The following C14orf39 variants were observed in gnomAD, a reference collection of about 807,000 sequenced individuals.
C14orf39 encodes protein SIX6OS1.
Under a neutral mutation model 85.6 loss-of-function variants are expected in C14orf39, and 66 were observed. The observed-to-expected ratio is 0.77, with a 90% CI of 0.63 to 0.95. C14orf39 has a LOEUF of 0.95. Among genes scored for constraint, C14orf39 ranks in the 40% least tolerant of loss-of-function variants. The probability of loss-of-function intolerance (pLI) is 0.00; values close to 1 mark genes in which losing one functional copy is unlikely to be tolerated. For missense variants in C14orf39, 735 were observed against 663.9 expected, an observed-to-expected ratio of 1.11 and a Z score of -1.18; for synonymous variants, 242 against 214.0, an observed-to-expected ratio of 1.13 and a Z score of -1.14.
chr14:60,475,124 C>G (rs1442169755), intron 5 of C14orf39, among the ~76,000 whole-genome samples: 1 of 152,082 alleles, frequency 6.6e-6, no homozygotes, highest in Non-Finnish European at 1.5e-5. Context: ...CTGGTTTAGT[C>G]TTGGGAGAGT....
chr14:60,442,085 T>C lies in C14orf39; in HGVS notation c.1550A>G (p.Glu517Gly). ...SARNLNPLSS[E>G]QEIGNLLEKP... ...TTCAAACAACTTACCAATCTCTTGC[T>C]CTGATGACAGAGGATTTAGATTTCT... Residue 517 changes from glutamate to glycine, a missense_variant, in exon 17 of 18, where the codon GAG becomes GGG. By Grantham distance (98) the Glu-to-Gly change is moderately conservative. Transcript: ENST00000321731. The C allele has an allele frequency of 6.2e-7, 1 of 1,610,222 alleles. No individual in the cohort carries two copies. The highest frequency in any genetic ancestry group is 8.5e-7 in the Non-Finnish European group (1 of 1,177,016).
intron 14 of C14orf39, among the ~76,000 whole-genome samples, chr14:60,457,872 C>T (rs148238109): frequency 7.2e-5 from 11 of 151,922 alleles, no homozygotes; most frequent in Admixed American, 3.3e-4. Context: ...ATTGTCGTGG[C>T]GAATCATTCA....
chr14:60,473,340 C>T (rs1892197171), intron 5 of C14orf39, among the ~76,000 whole-genome samples: 1 of 152,132 alleles, frequency 6.6e-6, no homozygotes, highest in Admixed American at 6.5e-5. Flanking sequence ...AAAATTTTCT[C>T]CCATTCTGTA....
At chr14:60,481,504 AT>A (rs1892637210) in intron 4 of C14orf39, among the ~76,000 whole-genome samples, 2 of 152,096 alleles carry the variant, frequency 1.3e-5, no homozygotes, top group South Asian at 4.1e-4. Flanking sequence ...TTTTTTTTAA[AT>A]CATGCTTATT....
chr14:60,486,064 G>A, upstream of C14orf39: 1 of 152,572 alleles, frequency 6.6e-6, no homozygotes. Context: ...GGCTGGACTC[G>A]CTCAGCCCCG....
chr14:60,459,517 AT>A (rs1387504599), intron 13 of C14orf39, among the ~76,000 whole-genome samples: 1 of 151,744 alleles, frequency 6.6e-6, no homozygotes, highest in Non-Finnish European at 1.5e-5. Context: ...CCAGGAAATC[AT>A]TCATTATCAC....
chr14:60,474,952 A>T (rs1363147025), intron 5 of C14orf39, among the ~76,000 whole-genome samples: 1 of 152,120 alleles, frequency 6.6e-6, no homozygotes. Context: ...TTTTCTATTG[A>T]TTGGAAGAGT....
At chr14:60,444,278 T>C (rs181371515) in intron 16 of C14orf39, among the ~76,000 whole-genome samples, 2 of 151,988 alleles carry the variant, frequency 1.3e-5, no homozygotes, top group Admixed American at 6.6e-5. Context: ...TTCTAACCCA[T>C]CACAAAGAAG....
chr14:60,507,116 C>A (rs1893214125), intron 1 of C14orf39, among the ~76,000 whole-genome samples: 1 of 152,182 alleles, frequency 6.6e-6, no homozygotes, highest in Non-Finnish European at 1.5e-5. Context: ...GCGGACCCCA[C>A]CGCCTCTTCT....
At chr14:60,439,840 G>A (rs1890423555) in intron 17 of C14orf39, among the ~76,000 whole-genome samples, 1 of 152,172 alleles carries the variant, frequency 6.6e-6, no homozygotes, top group African/African-American at 2.4e-5. Context: ...TTGGGAGGCC[G>A]AGGCGGGTGG....
intron 2 of C14orf39, among the ~76,000 whole-genome samples, chr14:60,492,177 A>G (rs190357731): frequency 3.7e-4 from 57 of 152,304 alleles, no homozygotes; most frequent in African/African-American, 1.2e-3. Flanking sequence ...TAACTAAGAG[A>G]CAAAACTTGG....
intron 13 of C14orf39, among the ~76,000 whole-genome samples, chr14:60,459,182 TTG>T (rs1413413951): frequency 6.6e-6 from 1 of 151,810 alleles, no homozygotes; most frequent in East Asian, 1.9e-4. Context: ...TTGCATATGC[TTG>T]TGAGATGCAT....
rs561305729 is a variant in C14orf39, at chr14:60,476,958, T to C, written c.323+1342A>G. Reference sequence around the variant, plus strand: ...TTTGAAAGCTTAATTCGTGCCTATATCTAACAAATGTGCGGGATACATAGT... The same window carrying C: ...TTTGAAAGCTTAATTCGTGCCTATACCTAACAAATGTGCGGGATACATAGT... On this transcript the variant is annotated intron_variant, in intron 5 of 17. Transcript: ENST00000321731. 5.3e-5 allele frequency among the ~76,000 whole-genome samples: 8 copies of C among 152,326 alleles called. No homozygotes were observed. The East Asian group carries it at 1.5e-3, about 29-fold the overall frequency.
At chr14:60,441,041 T>TA (rs1318578901) in intron 17 of C14orf39, among the ~76,000 whole-genome samples, 1 of 152,024 alleles carries the variant, frequency 6.6e-6, no homozygotes, top group East Asian at 1.9e-4. Context: ...CAACAATAAG[T>TA]AAAAAATTAA....
chr14:60,469,735 T>A (rs927250127), intron 7 of C14orf39, 82 bp from the exon 8 acceptor site: 1 of 639,544 alleles, frequency 1.6e-6, no homozygotes, highest in African/African-American at 1.9e-5. Context: ...ATTAATATTA[T>A]GTGACATCAT....
intron 4 of C14orf39, among the ~76,000 whole-genome samples, chr14:60,483,258 T>C (rs1892726349): frequency 6.6e-6 from 1 of 152,196 alleles, no homozygotes; most frequent in African/African-American, 2.4e-5. Context: ...TGTTTTTATG[T>C]ATTTGTTTCA....
At chr14:60,472,034 C>A (rs1285028133) in intron 5 of C14orf39, among the ~76,000 whole-genome samples, 2 of 151,968 alleles carry the variant, frequency 1.3e-5, no homozygotes, top group Non-Finnish European at 2.9e-5. Context: ...ATTTGTCCAA[C>A]TGAATGATCT....
Position 60,455,032 on chromosome 14 carries a change from G to A in C14orf39, c.1472C>T (p.Ser491Phe), listed in dbSNP as rs1891203335. The change falls in exon 16 of 18, where the codon TCT (serine) becomes TTT (phenylalanine). Residue 491 changes from serine to phenylalanine, a missense_variant. Ser to Phe is a radical substitution (Grantham distance 155, BLOSUM62 -2). Transcript: ENST00000321731. ...RSPGLNLFDS[S>F]VFDTEISSDQ... The stretch of plus-strand genomic sequence containing the variant: ...TGATGAGATTTCTGTATCAAATACA[G>A]AAGAATCAAATAAATTCAATCCAGG... 2 of 1,568,998 alleles carry A rather than the reference G, an allele frequency of 1.3e-6. No homozygotes were observed. Among genetic ancestry groups the A allele is most frequent in the Non-Finnish European group, 1.7e-6 (2 of 1,164,046 alleles).
chr14:60,437,349 C>T (rs1890302464), intron 17 of C14orf39, among the ~76,000 whole-genome samples: 1 of 151,852 alleles, frequency 6.6e-6, no homozygotes, highest in Non-Finnish European at 1.5e-5. Context: ...GATACAGAGG[C>T]ACAGAAACAG....
Sources: gnomAD v4.1 joint callset for allele counts (sites outside exome capture counted in the v4.1 genomes callset) on GRCh38, gnomAD v4.1.1 for gene constraint, MANE v1.5 for transcripts, NCBI Gene and HGNC (gene_info 2026-07-23, HGNC 2026-07-21) for gene names.